PDSS2: variants seen among roughly 807,000 people sequenced by gnomAD.
PDSS2 encodes the protein decaprenyl diphosphate synthase subunit 2, also known as all trans-polyprenyl-diphosphate synthase PDSS2.
A neutral mutation model predicts 44.5 loss-of-function variants in PDSS2; 31 were observed. The ratio of observed to expected loss-of-function variants is 0.70; its 90% confidence interval spans 0.52 to 0.94. The LOEUF is 0.94. PDSS2 is among the 40% of genes least tolerant of loss of function. The pLI, the probability that PDSS2 is intolerant of heterozygous loss-of-function variation, is 0.00. For synonymous variants in PDSS2, 157 were observed against 180.3 expected, an observed-to-expected ratio of 0.87 and a Z score of 1.03; for missense variants, 452 against 482.2, an observed-to-expected ratio of 0.94 and a Z score of 0.59.
At chr6:107,437,612 A>G (rs1398090088) in intron 1 of PDSS2, among the ~76,000 whole-genome samples, 1 of 151,752 alleles carries the variant, frequency 6.6e-6, no homozygotes, top group Admixed American at 6.6e-5. Flanking sequence ...ATTTCCACAT[A>G]TACCAAAATC....
chr6:107,257,917 C>G (rs1430654265), intron 3 of PDSS2, among the ~76,000 whole-genome samples: 2 of 152,114 alleles, frequency 1.3e-5, no homozygotes, highest in Non-Finnish European at 2.9e-5. Flanking sequence ...ACTCCTGTCC[C>G]AGTTGGGTTT....
intron 1 of PDSS2, among the ~76,000 whole-genome samples, chr6:107,413,195 TTAAG>T (rs1780556839): frequency 6.6e-6 from 1 of 152,204 alleles, no homozygotes; most frequent in Non-Finnish European, 1.5e-5. Context: ...AATTTGTAAA[TTAAG>T]TAAGAAAGAA....
At chr6:107,260,799 G>T (rs1024196626) in intron 3 of PDSS2, among the ~76,000 whole-genome samples, 10 of 151,412 alleles carry the variant, frequency 6.6e-5, no homozygotes, top group Admixed American at 2.0e-4. Flanking sequence ...GAGTAGCTGG[G>T]ACTACAGGCG....
At chr6:107,365,734 G>A (rs1487631142) in intron 1 of PDSS2, among the ~76,000 whole-genome samples, 1 of 152,138 alleles carries the variant, frequency 6.6e-6, no homozygotes, top group Non-Finnish European at 1.5e-5. Context: ...CTATATTAAT[G>A]TCAGACTAAA....
chr6:107,442,170 A>C (rs997610656), intron 1 of PDSS2, among the ~76,000 whole-genome samples: 1 of 152,202 alleles, frequency 6.6e-6, no homozygotes, highest in Non-Finnish European at 1.5e-5. Context: ...TAATCCCAAC[A>C]CTTTGGGAGG....
intron 4 of PDSS2, among the ~76,000 whole-genome samples, chr6:107,228,515 G>A (rs1773914911): frequency 6.6e-6 from 1 of 152,086 alleles, no homozygotes; most frequent in African/African-American, 2.4e-5. Flanking sequence ...CCAACGTGGT[G>A]AAACCCCGTC....
chr6:107,310,144 G>A (rs991700480), intron 2 of PDSS2, among the ~76,000 whole-genome samples: 3 of 152,050 alleles, frequency 2.0e-5, no homozygotes, highest in African/African-American at 7.2e-5. Flanking sequence ...AATTAGCTGG[G>A]TGTGGTGGCA....
intron 5 of PDSS2, 103 bp downstream of exon 5, chr6:107,212,006 G>A (rs968869224): frequency 8.4e-6 from 8 of 947,394 alleles, no homozygotes; most frequent in African/African-American, 1.6e-5. Context: ...CACACAATAA[G>A]CATTTTTGAA....
chr6:107,266,720 T>C (rs1775424105), intron 3 of PDSS2, among the ~76,000 whole-genome samples: 1 of 152,214 alleles, frequency 6.6e-6, no homozygotes, highest in Non-Finnish European at 1.5e-5. Context: ...TGCTAAGTTT[T>C]TCTTTTTCTT....
At chr6:107,190,744 G>A (rs1772344799) in intron 7 of PDSS2, among the ~76,000 whole-genome samples, 1 of 152,172 alleles carries the variant, frequency 6.6e-6, no homozygotes, top group African/African-American at 2.4e-5. Flanking sequence ...AAGGCGCAGA[G>A]AACAGAAGCA....
intron 1 of PDSS2, among the ~76,000 whole-genome samples, chr6:107,389,327 A>G (rs1312844531): frequency 1.3e-5 from 2 of 152,222 alleles, no homozygotes; most frequent in Non-Finnish European, 2.9e-5. Context: ...ATCTCTGAGA[A>G]TATGGGGGAA....
At chr6:107,260,219 A>C (rs559890814) in intron 3 of PDSS2, among the ~76,000 whole-genome samples, 1 of 152,222 alleles carries the variant, frequency 6.6e-6, no homozygotes, top group African/African-American at 2.4e-5. Flanking sequence ...CCTTAGGCAC[A>C]TAAGTCCTCC....
chr6:107,384,465 AC>A (rs1446135232), intron 1 of PDSS2, among the ~76,000 whole-genome samples: 1 of 152,262 alleles, frequency 6.6e-6, no homozygotes, highest in Admixed American at 6.5e-5. Context: ...ACATGGTGAA[AC>A]CCTGTTTCTA....
intron 1 of PDSS2, among the ~76,000 whole-genome samples, chr6:107,349,721 CCTGGGTG>C (rs1778375143): frequency 6.6e-6 from 1 of 152,104 alleles, no homozygotes; most frequent in Non-Finnish European, 1.5e-5. Context: ...TGCACTCCAG[CCTGGGTG>C]ACAAGAGTGA....
intron 2 of PDSS2, among the ~76,000 whole-genome samples, chr6:107,316,664 A>G (rs1008028924): frequency 3.3e-5 from 5 of 152,148 alleles, no homozygotes; most frequent in Non-Finnish European, 1.5e-5. Flanking sequence ...GGCCCTATAT[A>G]TCTACTCTGA....
Position 107,459,403 on chromosome 6 carries a change from G to C in PDSS2, c.-118C>G. Reference sequence around the variant, plus strand: ...AGGAAGCGGCAATTCTTGACCCTCAGAGTAAGGTGGCTTCCTGGAGCAGTG... The same window carrying C: ...AGGAAGCGGCAATTCTTGACCCTCACAGTAAGGTGGCTTCCTGGAGCAGTG... On this transcript the variant is annotated 5_prime_UTR_variant, in exon 1 of 8. Coordinates refer to ENST00000369037, the MANE Select transcript of PDSS2 (RefSeq NM_020381.4). This position sits in a 1 kb window ranked among gnomAD's most constrained non-coding sequence, Gnocchi z 4.3. 1 of 789,624 alleles carries C rather than the reference G, an allele frequency of 1.3e-6. No individual in the cohort carries two copies. The highest frequency in any genetic ancestry group is 2.1e-6 in the Non-Finnish European group (1 of 482,500). The allele number at this position is 789,624 out of a possible 1,614,324, so 48.9% of individuals were successfully genotyped here.
intron 4 of PDSS2, among the ~76,000 whole-genome samples, chr6:107,214,398 T>A (rs1187462028): frequency 6.6e-6 from 1 of 152,156 alleles, no homozygotes; most frequent in Non-Finnish European, 1.5e-5. Context: ...GCCTTTACAC[T>A]TTTTTTATAC....
At chr6:107,392,052 AC>A (rs1369583921) in intron 1 of PDSS2, among the ~76,000 whole-genome samples, 1 of 152,174 alleles carries the variant, frequency 6.6e-6, no homozygotes, top group African/African-American at 2.4e-5. Flanking sequence ...TATAAAAAAA[AC>A]AACTATTAAG....
intron 4 of PDSS2, among the ~76,000 whole-genome samples, chr6:107,237,432 G>A (rs975351247): frequency 4.0e-5 from 6 of 151,448 alleles, no homozygotes; most frequent in African/African-American, 2.4e-5. Context: ...TAGTAGAGAC[G>A]GGGTTTCACC....
Sources: gnomAD v4.1 joint callset for allele counts (sites outside exome capture counted in the v4.1 genomes callset) on GRCh38, gnomAD v4.1.1 for gene constraint, Gnocchi (gnomAD v3.1) non-coding constraint, MANE v1.5 for transcripts, NCBI Gene and HGNC (gene_info 2026-07-23, HGNC 2026-07-21) for gene names.